The following ZFHX4 variants were observed in gnomAD, a reference collection of about 807,000 sequenced individuals.
The protein encoded by ZFHX4 is zinc finger homeobox 4.
Under a neutral mutation model 267.6 loss-of-function variants are expected in ZFHX4, and 56 were observed. The observed-to-expected ratio is 0.21, with a 90% CI of 0.17 to 0.26. The LOEUF is 0.26. Among genes scored for constraint, ZFHX4 ranks in the 10% least tolerant of loss-of-function variants. The pLI is 1.00. For missense variants in ZFHX4, 4,332 were observed against 4,420.0 expected, an observed-to-expected ratio of 0.98 and a Z score of 0.56; for synonymous variants, 1,778 against 1,665.6, an observed-to-expected ratio of 1.07 and a Z score of -1.64.
chr8:76,685,750 A>T (rs1563459034), intron 1 of ZFHX4, among the ~76,000 whole-genome samples: 2 of 152,180 alleles, frequency 1.3e-5, no homozygotes, highest in Non-Finnish European at 2.9e-5. Context: ...TTCAATTAGC[A>T]ATATTTTCCT....
chr8:76,811,340 A>G (rs1164124588), intron 4 of ZFHX4, among the ~76,000 whole-genome samples: 1 of 152,202 alleles, frequency 6.6e-6, no homozygotes, highest in African/African-American at 2.4e-5. Context: ...GAAAAGGAGC[A>G]GTTTCTTTTC....
At chr8:76,788,882 T>C (rs886658741) in intron 4 of ZFHX4, among the ~76,000 whole-genome samples, 2 of 152,240 alleles carry the variant, frequency 1.3e-5, no homozygotes, top group African/African-American at 4.8e-5. Context: ...TGCTTATGTT[T>C]TTAAGGGAAC....
At chr8:76,800,690 T>C (rs951303912) in intron 4 of ZFHX4, among the ~76,000 whole-genome samples, 8 of 152,170 alleles carry the variant, frequency 5.3e-5, no homozygotes, top group African/African-American at 1.9e-4. Flanking sequence ...TATGAATAAT[T>C]TAGGGATCAG....
intron 3 of ZFHX4, among the ~76,000 whole-genome samples, chr8:76,716,660 T>A (rs1000337349): frequency 3.3e-5 from 5 of 152,110 alleles, no homozygotes; most frequent in African/African-American, 1.2e-4. Flanking sequence ...TTCTTAAAGG[T>A]ATTGCAGATG....
chr8:76,707,556 G>A lies in ZFHX4; in HGVS notation c.2601G>A (p.Glu867=). 6.3e-7 allele frequency: 1 copy of A among 1,577,942 alleles called. No homozygotes were observed. Among genetic ancestry groups the A allele is most frequent in the South Asian group, 1.2e-5 (1 of 86,546 alleles). ...AALAPGLVNN[E]LPPEIRLASG... is the part of the protein sequence containing the mutation. Reference sequence around the variant, plus strand: ...TTTTTTTTCCTGTAGTAAATAATGAGCTGCCGCCTGAAATCCGGCTTGCCA... The same window carrying A: ...TTTTTTTTCCTGTAGTAAATAATGAACTGCCGCCTGAAATCCGGCTTGCCA... The change falls in exon 3 of 11, where the codon GAG becomes GAA. Residue 867 remains glutamate (E), a synonymous_variant. Coordinates refer to ENST00000651372, the MANE Select transcript of ZFHX4 (RefSeq NM_024721.5).
Position 76,852,415 on chromosome 8 carries a change from A to T in ZFHX4, c.5494A>T (p.Lys1832Ter). ...GCAGCAGCAGCAACAGCAGGCAAGC[A>T]AATTATTGAAACAAGAGCAAAGTAA... The part of the protein sequence containing the change: ...PQQQQQQQAS[K>*]LLKQEQSNIV... Residue 1832 changes from lysine (K) to a stop codon, truncating the protein, a stop_gained, in exon 10 of 11, where the codon AAA (lysine) becomes TAA (stop). Transcript: ENST00000651372. LOFTEE classifies it high-confidence loss of function. 6.4e-7 allele frequency: 1 copy of T among 1,556,680 alleles called. No homozygotes were observed. Among genetic ancestry groups the T allele is most frequent in the Non-Finnish European group, 8.7e-7 (1 of 1,149,638 alleles).
rs1192808115 is a variant in ZFHX4, at chr8:76,864,031, G to T, written c.10317G>T (p.Val3439=). 6.2e-7 allele frequency: 1 copy of T among 1,613,858 alleles called. No individual in the cohort carries two copies. The change falls in exon 11 of 11, where the codon GTG becomes GTT. Residue 3439 remains valine (V), a synonymous_variant. Coordinates refer to ENST00000651372, the MANE Select transcript of ZFHX4 (RefSeq NM_024721.5). ...GQPLIDPQET[V]LRVPVSKYQC... Reference sequence around the variant, plus strand: ...CTTTGATTGACCCACAAGAGACAGTGCTTCGTGTCCCAGTCAGCAAATATC... The same window carrying T: ...CTTTGATTGACCCACAAGAGACAGTTCTTCGTGTCCCAGTCAGCAAATATC...
chr8:76,695,141 G>A (rs1487972839), intron 1 of ZFHX4, among the ~76,000 whole-genome samples: 1 of 152,142 alleles, frequency 6.6e-6, no homozygotes, highest in Non-Finnish European at 1.5e-5. Context: ...TGGGGGTCAT[G>A]AGGATAGGCA....
chr8:76,726,858 G>C (rs912103609), intron 3 of ZFHX4, among the ~76,000 whole-genome samples: 1 of 152,126 alleles, frequency 6.6e-6, no homozygotes, highest in African/African-American at 2.4e-5. Flanking sequence ...GAAAGTGTAA[G>C]GACAGATAAG....
In ZFHX4 at chr8:76,706,271, AGAATCTCCAAAAT is replaced by A. The variant is rs1438276060; in HGVS notation, c.2185_2197del (p.Asn729AlafsTer54). ...TCGGACAAGCACCTGAACAATGTTC[AGAATCTCCAAAAT>A]GGCAATGGTGAGCAGGTGTTTGGCC... On this transcript the variant is annotated frameshift_variant, in exon 2 of 11. Coordinates refer to ENST00000651372, the MANE Select transcript of ZFHX4 (RefSeq NM_024721.5). LOFTEE classifies it high-confidence loss of function. 1.3e-5 allele frequency: 21 copies of A among 1,614,034 alleles called. No homozygotes were observed. Among genetic ancestry groups the A allele is most frequent in the Non-Finnish European group, 1.8e-5 (21 of 1,180,026 alleles).
intron 4 of ZFHX4, among the ~76,000 whole-genome samples, chr8:76,816,402 T>C (rs1423293914): frequency 6.6e-6 from 1 of 152,118 alleles, no homozygotes; most frequent in African/African-American, 2.4e-5. Flanking sequence ...CTCAAGAATA[T>C]TTGGCTCCTA....
chr8:76,709,650 G>A (rs946085465), intron 3 of ZFHX4, among the ~76,000 whole-genome samples: 17 of 151,994 alleles, frequency 1.1e-4, no homozygotes, highest in African/African-American at 4.1e-4. Flanking sequence ...TGTTGTGAAT[G>A]GAAGATATAA....
Position 76,865,624 on chromosome 8 carries a change from T to C in ZFHX4, c.*1059T>C, listed in dbSNP as rs1813006109. ...CATAAATGAAAGTAGTACTGTATAC[T>C]TGAAACTGTTTAAGTACAAGTTGAA... On this transcript the variant is annotated 3_prime_UTR_variant, in exon 11 of 11. Coordinates refer to ENST00000651372, the MANE Select transcript of ZFHX4 (RefSeq NM_024721.5). 6.6e-6 allele frequency: 1 copy of C among 152,592 alleles called. No homozygotes were observed. The highest frequency in any genetic ancestry group is 6.6e-5 in the Admixed American group (1 of 15,264). The allele number at this position is 152,592 out of a possible 1,614,324, so 9.5% of individuals were successfully genotyped here.
At chr8:76,716,559 GT>G (rs1254976817) in intron 3 of ZFHX4, among the ~76,000 whole-genome samples, 1 of 152,084 alleles carries the variant, frequency 6.6e-6, no homozygotes, top group Non-Finnish European at 1.5e-5. Flanking sequence ...CATTAATAAG[GT>G]TTTTTAATTA....
intron 1 of ZFHX4, among the ~76,000 whole-genome samples, chr8:76,702,288 C>G (rs2131601004): frequency 6.6e-6 from 1 of 152,124 alleles, no homozygotes; most frequent in Non-Finnish European, 1.5e-5. Flanking sequence ...TTTCAGGGTC[C>G]CATCTCAGAT....
At chr8:76,755,437 T>C (rs1425964741) in intron 3 of ZFHX4, among the ~76,000 whole-genome samples, 2 of 152,202 alleles carry the variant, frequency 1.3e-5, no homozygotes, top group Non-Finnish European at 2.9e-5. Context: ...TTTTTGACTA[T>C]TAGTTAAGTC....
Position 76,762,567 on chromosome 8 carries a change from CA to C in ZFHX4, c.3094-15638del, listed in dbSNP as rs1268312475. On this transcript the variant is annotated intron_variant, in intron 3 of 10. Coordinates refer to ENST00000651372, the MANE Select transcript of ZFHX4 (RefSeq NM_024721.5). The stretch of plus-strand genomic sequence containing the variant: ...GGAAATCTGAAATATGCCATAAAAG[CA>C]AATGAATATGTTTTCCTAAAGTGTG... 4.6e-5 allele frequency among the ~76,000 whole-genome samples: 7 copies of C among 152,218 alleles called. No homozygotes were observed. The South Asian group carries it at 8.3e-4, about 18-fold the overall frequency.
Position 76,710,411 on chromosome 8 carries a change from G to A in ZFHX4, c.3093+2363G>A, listed in dbSNP as rs559092378. Among the ~76,000 whole-genome samples the A allele has an allele frequency of 8.5e-5, 13 of 152,244 alleles. No individual in the cohort carries two copies. The South Asian group carries it at 2.7e-3, about 32-fold the overall frequency. On this transcript the variant is annotated intron_variant, in intron 3 of 10. Coordinates refer to ENST00000651372, the MANE Select transcript of ZFHX4 (RefSeq NM_024721.5). Reference sequence around the variant, plus strand: ...AATGAGGATATTAGCAAGCTTGGTTGGCTTGTGTTGGCAAAATAAAAGTGG... The same window carrying A: ...AATGAGGATATTAGCAAGCTTGGTTAGCTTGTGTTGGCAAAATAAAAGTGG...
intron 3 of ZFHX4, among the ~76,000 whole-genome samples, chr8:76,708,601 A>G (rs1222462899): frequency 6.6e-6 from 1 of 152,214 alleles, no homozygotes; most frequent in Admixed American, 6.5e-5. Flanking sequence ...GTTATTTTGT[A>G]TGACTGTCTT....
Sources: allele counts gnomAD v4.1 joint callset (sites outside exome capture counted in the v4.1 genomes callset), GRCh38; gene constraint gnomAD v4.1.1; transcripts MANE v1.5; gene names NCBI Gene and HGNC (gene_info 2026-07-23, HGNC 2026-07-21).